SOX12: variants seen among roughly 807,000 people sequenced by gnomAD.
SOX12 encodes the protein transcription factor SOX-12.
Under a neutral mutation model 21.5 loss-of-function variants are expected in SOX12, and 8 were observed. The observed-to-expected ratio is 0.37, with a 90% CI of 0.22 to 0.67. The LOEUF (loss-of-function observed/expected upper bound fraction) is 0.67. Among genes scored for constraint, SOX12 ranks in the 30% least tolerant of loss-of-function variants. The pLI is 0.56. For synonymous variants in SOX12, 235 were observed against 224.2 expected (o/e 1.05, Z -0.43); for missense variants, 400 against 482.6 (o/e 0.83, Z 1.60).
rs374987024 is a variant in SOX12, at chr20:326,557, GGCC to G, written c.649_651del (p.Ala217del). On this transcript the variant is annotated inframe_deletion, in exon 1 of 1. Coordinates refer to ENST00000342665, the MANE Select transcript of SOX12 (RefSeq NM_006943.4). The surrounding 1 kb of genome is among the most constrained non-coding windows in gnomAD (Gnocchi z 9.9). ...CCCAAGGGCCGTCGGGCGAGGGGGC[GGCC>G]GCCGCCGCCGCCGCCTCCCCGACAC... The G allele has an allele frequency of 2.0e-4, 307 of 1,513,020 alleles. No individual in the cohort carries two copies. Among genetic ancestry groups the G allele is most frequent in the Admixed American group, 7.0e-4 (31 of 44,178 alleles). The allele number at this position is 1,513,020 out of a possible 1,614,324, so 93.7% of individuals were successfully genotyped here. A position where few individuals can be genotyped will look rare whatever the true frequency, so the allele number is the denominator to read the frequency against.
rs202123597 is a variant in SOX12 at position 326,896 on chromosome 20, C to T, written c.*24C>T. 6.7e-5 allele frequency: 108 copies of T among 1,610,872 alleles called. No homozygotes were observed. In the African/African-American group the frequency reaches 1.3e-3, roughly 20 times the overall value. On this transcript the variant is annotated 3_prime_UTR_variant, in exon 1 of 1. Coordinates refer to ENST00000342665, the MANE Select transcript of SOX12 (RefSeq NM_006943.4). This position sits in a 1 kb window ranked among gnomAD's most constrained non-coding sequence, Gnocchi z 9.9. ...GAGCCCACCGTCAGCGGGGCGCGCACGCCCCCAAACCAGCTGTTTACATAC... is the reference window on the plus strand; with the variant it reads ...GAGCCCACCGTCAGCGGGGCGCGCATGCCCCCAAACCAGCTGTTTACATAC...
Position 326,407 on chromosome 20 carries a change from G to T in SOX12, c.483G>T (p.Ala161=). Residue 161 remains alanine (A), a synonymous_variant, in exon 1 of 1, where the codon GCG becomes GCT. Transcript: ENST00000342665. This position sits in a 1 kb window ranked among gnomAD's most constrained non-coding sequence, Gnocchi z 9.9. ...AGGPLGGGAA[A]PEDDDEDDDE... is the part of the protein sequence containing the mutation. ...GGCCTTTGGGGGGCGGGGCGGCGGCGCCCGAGGACGACGATGAAGACGACG... is the reference window on the plus strand; with the variant it reads ...GGCCTTTGGGGGGCGGGGCGGCGGCTCCCGAGGACGACGATGAAGACGACG... 1 of 1,339,526 alleles carries T rather than the reference G, an allele frequency of 7.5e-7. No individual in the cohort carries two copies. The highest frequency in any genetic ancestry group is 9.5e-7 in the Non-Finnish European group (1 of 1,051,560). The allele number at this position is 1,339,526 out of a possible 1,614,324, so 83.0% of individuals were successfully genotyped here.
Position 326,014 on chromosome 20 carries a change from C to T in SOX12, c.90C>T (p.Pro30=), listed in dbSNP as rs769817096. ...CGGCCGAGGAGGGGGCGCGCGAGCC[C>T]GGCTGGTGCAAGACCCCGAGCGGCC... ...PGPAEEGARE[P]GWCKTPSGHI... Residue 30 remains proline (P), a synonymous_variant, in exon 1 of 1, where the codon CCC becomes CCT. Coordinates refer to ENST00000342665, the MANE Select transcript of SOX12 (RefSeq NM_006943.4). This position sits in a 1 kb window ranked among gnomAD's most constrained non-coding sequence, Gnocchi z 9.9. 4.5e-6 allele frequency: 7 copies of T among 1,539,624 alleles called. No individual in the cohort carries two copies. The highest frequency in any genetic ancestry group is 2.6e-5 in the East Asian group (1 of 38,388).
chr20:328,893 G>C lies in SOX12; in HGVS notation c.*2021G>C, dbSNP rs560259724. The C allele has an allele frequency of 2.4e-5, 4 of 167,236 alleles. No individual in the cohort carries two copies. Among genetic ancestry groups the C allele is most frequent in the African/African-American group, 9.6e-5 (4 of 41,574 alleles). 10.4% of individuals were successfully genotyped at this position (167,236 alleles called of 1,614,324 possible). A position where few individuals can be genotyped will look rare whatever the true frequency, so the allele number is the denominator to read the frequency against. ...GACTCCCTGGCCTTCATGAAGAATA[G>C]CAAACTCATCCCTGTAGGGACCAGG... On this transcript the variant is annotated 3_prime_UTR_variant, in exon 1 of 1. Coordinates refer to ENST00000342665, the MANE Select transcript of SOX12 (RefSeq NM_006943.4).
rs1600206535 is a variant in SOX12, at chr20:325,681, G to A, written c.-244G>A. 1 of 154,850 alleles carries A rather than the reference G, an allele frequency of 6.5e-6. No homozygotes were observed. Among genetic ancestry groups the A allele is most frequent in the African/African-American group, 2.4e-5 (1 of 41,358 alleles). The allele number at this position is 154,850 out of a possible 1,614,324, so 9.6% of individuals were successfully genotyped here. A position where few individuals can be genotyped will look rare whatever the true frequency, so the allele number is the denominator to read the frequency against. Reference sequence around the variant, plus strand: ...GCCCCCGCAAAACAATGTGTGTTGTGAGCCAGGACGCAACTTGCCGGAGGC... The same window carrying A: ...GCCCCCGCAAAACAATGTGTGTTGTAAGCCAGGACGCAACTTGCCGGAGGC... On this transcript the variant is annotated 5_prime_UTR_variant, in exon 1 of 1. Transcript: ENST00000342665. The surrounding 1 kb of genome is among the most constrained non-coding windows in gnomAD (Gnocchi z 5.0).
chr20:326,645 G>T lies in SOX12; in HGVS notation c.721G>T (p.Glu241Ter). 6.5e-7 allele frequency: 1 copy of T among 1,550,280 alleles called. No homozygotes were observed. The highest frequency in any genetic ancestry group is 8.7e-7 in the Non-Finnish European group (1 of 1,146,534). ...EEEAAAAEEG[E>*]EETVASGEES... is the part of the protein sequence containing the mutation. ...GGAGGCGGCAGCGGCTGAGGAAGGT[G>T]AAGAGGAGACGGTGGCGTCGGGGGA... The change falls in exon 1 of 1, where the codon GAA (glutamate) becomes TAA (stop). Residue 241 changes from glutamate to a stop codon, truncating the protein, a stop_gained. Transcript: ENST00000342665. LOFTEE classifies it high-confidence loss of function. This position sits in a 1 kb window ranked among gnomAD's most constrained non-coding sequence, Gnocchi z 9.9.
rs1600207386 is a variant in SOX12 at position 327,174 on chromosome 20, C to G, written c.*302C>G. The G allele has an allele frequency of 2.4e-6, 1 of 418,638 alleles. No homozygotes were observed. Among genetic ancestry groups the G allele is most frequent in the Admixed American group, 4.1e-5 (1 of 24,404 alleles). 25.9% of individuals were successfully genotyped at this position (418,638 alleles called of 1,614,324 possible). ...CCGTCCTCTCCTACAGACCTGCACCCCTCCCCCCTTTTGCACACGCCCCTC... is the reference window on the plus strand; with the variant it reads ...CCGTCCTCTCCTACAGACCTGCACCGCTCCCCCCTTTTGCACACGCCCCTC... On this transcript the variant is annotated 3_prime_UTR_variant, in exon 1 of 1. Transcript: ENST00000342665.
chr20:325,950 C>G lies in SOX12; in HGVS notation c.26C>G (p.Ala9Gly). The stretch of plus-strand genomic sequence containing the variant: ...ATGGTGCAGCAGCGGGGCGCGAGGG[C>G]CAAGCGGGACGGCGGGCCGCCGCCC... MVQQRGARAKRDGGPPPPG... is the reference protein window; with the variant it reads MVQQRGARGKRDGGPPPPG... The change falls in exon 1 of 1, where the codon GCC becomes GGC. Residue 9 changes from alanine (A) to glycine (G), a missense_variant. This residue lies in a region of SOX12 where 56 missense variants were observed against 51.5 expected (regional missense o/e 1.09). Transcript: ENST00000342665. This position sits in a 1 kb window ranked among gnomAD's most constrained non-coding sequence, Gnocchi z 5.0. The G allele has an allele frequency of 7.5e-7, 1 of 1,330,306 alleles. No homozygotes were observed. Among genetic ancestry groups the G allele is most frequent in the Non-Finnish European group, 9.6e-7 (1 of 1,041,222 alleles). 82.4% of individuals were successfully genotyped at this position (1,330,306 alleles called of 1,614,324 possible).
rs1337131777 is a variant in SOX12, at chr20:327,506, G to A, written c.*634G>A. The A allele has an allele frequency of 1.2e-5, 2 of 167,216 alleles. No homozygotes were observed. Among genetic ancestry groups the A allele is most frequent in the Admixed American group, 1.3e-4 (2 of 15,298 alleles). 10.4% of individuals were successfully genotyped at this position (167,216 alleles called of 1,614,324 possible). On this transcript the variant is annotated 3_prime_UTR_variant, in exon 1 of 1. Transcript: ENST00000342665. The stretch of plus-strand genomic sequence containing the variant: ...CGGGGGCGAGTGTAGAGCGATCCTG[G>A]GAAATCCTTTGATCCGGGAGCCCTA...
At position 326,953 on chromosome 20, in the gene SOX12, GAGGCTGGCACCCCATCTCCCGCGC is replaced by G. The variant is rs1257766111; in HGVS notation, c.*84_*107del. On this transcript the variant is annotated 3_prime_UTR_variant, in exon 1 of 1. Coordinates refer to ENST00000342665, the MANE Select transcript of SOX12 (RefSeq NM_006943.4). This position sits in a 1 kb window ranked among gnomAD's most constrained non-coding sequence, Gnocchi z 9.9. ...CAGGTATTGGGGCCCCTCGGAGGCCGAGGCTGGCACCCCATCTCCCGCGCAGCCTGCCCCCTCCTGGACGTGCCC... is the reference window on the plus strand; with the variant it reads ...CAGGTATTGGGGCCCCTCGGAGGCCGAGCCTGCCCCCTCCTGGACGTGCCC... The G allele has an allele frequency of 2.9e-6, 4 of 1,376,322 alleles. No homozygotes were observed. Among genetic ancestry groups the G allele is most frequent in the Non-Finnish European group, 4.1e-6 (4 of 965,862 alleles). 85.3% of individuals were successfully genotyped at this position (1,376,322 alleles called of 1,614,324 possible). A position where few individuals can be genotyped will look rare whatever the true frequency, so the allele number is the denominator to read the frequency against.
At position 326,743 on chromosome 20, in the gene SOX12, C is replaced by G. The variant is rs1349172414; in HGVS notation, c.819C>G (p.Asp273Glu). The G allele has an allele frequency of 6.2e-7, 1 of 1,611,920 alleles. No homozygotes were observed. The highest frequency in any genetic ancestry group is 1.7e-5 in the Admixed American group (1 of 59,766). Residue 273 changes from aspartate to glutamate, a missense_variant, in exon 1 of 1, where the codon GAC becomes GAG. Around this residue, in one of 4 missense-constraint regions of SOX12, gnomAD observed 235 missense variants for 219.3 expected, o/e 1.07. Transcript: ENST00000342665. This position sits in a 1 kb window ranked among gnomAD's most constrained non-coding sequence, Gnocchi z 9.9. Reference protein sequence around the residue: ...AGLDCSALDRDPDLQPPSGTS... With the variant: ...AGLDCSALDREPDLQPPSGTS... ...TGGACTGCAGCGCCCTGGATCGCGA[C>G]CCGGACCTGCAGCCTCCCTCGGGCA...
Position 325,606 on chromosome 20 carries a change from C to G in SOX12, c.-319C>G, listed in dbSNP as rs1162355779. On this transcript the variant is annotated 5_prime_UTR_variant, in exon 1 of 1. Coordinates refer to ENST00000342665, the MANE Select transcript of SOX12 (RefSeq NM_006943.4). The surrounding 1 kb of genome is among the most constrained non-coding windows in gnomAD (Gnocchi z 5.0). ...GCGGCGCGCGCGGGCCGCGGCGGAG[C>G]CAGAGGCTGCAGGAAGAGCCCGCGG... The G allele has an allele frequency of 6.7e-6, 1 of 150,160 alleles. No individual in the cohort carries two copies. The highest frequency in any genetic ancestry group is 2.4e-5 in the African/African-American group (1 of 41,070). 9.3% of individuals were successfully genotyped at this position (150,160 alleles called of 1,614,324 possible). A position where few individuals can be genotyped will look rare whatever the true frequency, so the allele number is the denominator to read the frequency against.
At position 326,063 on chromosome 20, in the gene SOX12, T is replaced by C; in HGVS notation, c.139T>C (p.Phe47Leu). 1 of 1,600,056 alleles carries C rather than the reference T, an allele frequency of 6.2e-7. No homozygotes were observed. The highest frequency in any genetic ancestry group is 8.5e-7 in the Non-Finnish European group (1 of 1,174,102). ...SGHIKRPMNA[F>L]MVWSQHERRK... Reference sequence around the variant, plus strand: ...CCACATCAAGAGGCCGATGAACGCATTCATGGTGTGGTCGCAGCACGAACG... The same window carrying C: ...CCACATCAAGAGGCCGATGAACGCACTCATGGTGTGGTCGCAGCACGAACG... The change falls in exon 1 of 1, where the codon TTC (phenylalanine) becomes CTC (leucine). Residue 47 changes from phenylalanine to leucine, a missense_variant. Physicochemically the swap from Phe to Leu is conservative, Grantham distance 22 (BLOSUM62 0). Transcript: ENST00000342665. This position sits in a 1 kb window ranked among gnomAD's most constrained non-coding sequence, Gnocchi z 9.9.
In SOX12 at chr20:327,269, T is replaced by C. The variant is rs2013117283; in HGVS notation, c.*397T>C. The stretch of plus-strand genomic sequence containing the variant: ...CCTCCCTCGCCCGGCCCGCCTTCTC[T>C]GGGTTAGGGGGGCGATGCGGCCGGG... On this transcript the variant is annotated 3_prime_UTR_variant, in exon 1 of 1. Transcript: ENST00000342665. 1 of 227,920 alleles carries C rather than the reference T, an allele frequency of 4.4e-6. No homozygotes were observed. The highest frequency in any genetic ancestry group is 5.6e-5 in the South Asian group (1 of 17,794). The allele number at this position is 227,920 out of a possible 1,614,324, so 14.1% of individuals were successfully genotyped here.
rs1016127199 is a variant in SOX12, at chr20:328,013, G to C, written c.*1141G>C. On this transcript the variant is annotated 3_prime_UTR_variant, in exon 1 of 1. Coordinates refer to ENST00000342665, the MANE Select transcript of SOX12 (RefSeq NM_006943.4). Reference sequence around the variant, plus strand: ...TTTGGTGCTAGGGGTTTGGGACTGAGGCGTGGAGAGCAGATGTGATGGCAG... The same window carrying C: ...TTTGGTGCTAGGGGTTTGGGACTGACGCGTGGAGAGCAGATGTGATGGCAG... The C allele has an allele frequency of 4.8e-5, 8 of 167,228 alleles. No individual in the cohort carries two copies. Among genetic ancestry groups the C allele is most frequent in the African/African-American group, 1.9e-4 (8 of 41,470 alleles). 10.4% of individuals were successfully genotyped at this position (167,228 alleles called of 1,614,324 possible).
chr20:326,102 G>T lies in SOX12; in HGVS notation c.178G>T (p.Asp60Tyr). 1 of 1,602,956 alleles carries T rather than the reference G, an allele frequency of 6.2e-7. No individual in the cohort carries two copies. The highest frequency in any genetic ancestry group is 8.5e-7 in the Non-Finnish European group (1 of 1,175,196). ...WSQHERRKIM[D>Y]QWPDMHNAEI... ...GCAGCACGAACGGCGGAAGATCATG[G>T]ACCAGTGGCCCGACATGCACAACGC... is the stretch of plus-strand genomic sequence containing the variant. Residue 60 changes from aspartate to tyrosine, a missense_variant, in exon 1 of 1, where the codon GAC (aspartate) becomes TAC (tyrosine). Asp to Tyr is a radical substitution (Grantham distance 160). Transcript: ENST00000342665. This position sits in a 1 kb window ranked among gnomAD's most constrained non-coding sequence, Gnocchi z 9.9.
rs1180879032 is a variant in SOX12 at position 329,710 on chromosome 20, C to A, written c.*2838C>A. 1 of 167,200 alleles carries A rather than the reference C, an allele frequency of 6.0e-6. No homozygotes were observed. The highest frequency in any genetic ancestry group is 1.5e-5 in the Non-Finnish European group (1 of 68,178). The allele number at this position is 167,200 out of a possible 1,614,324, so 10.4% of individuals were successfully genotyped here. Reference sequence around the variant, plus strand: ...CCTCCTTTGTCCCTCTGACACCCCTCCCCCTAATTCTCATCTGTCAGATCC... The same window carrying A: ...CCTCCTTTGTCCCTCTGACACCCCTACCCCTAATTCTCATCTGTCAGATCC... On this transcript the variant is annotated 3_prime_UTR_variant, in exon 1 of 1. Transcript: ENST00000342665.
chr20:326,320 C>T lies in SOX12; in HGVS notation c.396C>T (p.Gly132=), dbSNP rs1431329519. Residue 132 remains glycine (G), a synonymous_variant, in exon 1 of 1, where the codon GGC becomes GGT. Coordinates refer to ENST00000342665, the MANE Select transcript of SOX12 (RefSeq NM_006943.4). This position sits in a 1 kb window ranked among gnomAD's most constrained non-coding sequence, Gnocchi z 9.9. ...CCCGCCCCCCCGGTGGTAGCGGTGGCGGCAGCCGGCTCAAGCCCGGGCCGC... is the reference window on the plus strand; with the variant it reads ...CCCGCCCCCCCGGTGGTAGCGGTGGTGGCAGCCGGCTCAAGCCCGGGCCGC... ...ARPRPPGGSG[G]GSRLKPGPQL... 25 of 1,375,846 alleles carry T rather than the reference C, an allele frequency of 1.8e-5. No homozygotes were observed. Among genetic ancestry groups the T allele is most frequent in the Non-Finnish European group, 2.3e-5 (24 of 1,061,552 alleles). The allele number at this position is 1,375,846 out of a possible 1,614,324, so 85.2% of individuals were successfully genotyped here.
chr20:327,193 G>GC lies in SOX12; in HGVS notation c.*325dup. On this transcript the variant is annotated 3_prime_UTR_variant, in exon 1 of 1. Transcript: ENST00000342665. ...TGCACCCCTCCCCCCTTTTGCACAC[G>GC]CCCCTCCTCGTGGCCGGAGGACCCG... 2 of 322,036 alleles carry GC rather than the reference G, an allele frequency of 6.2e-6. No individual in the cohort carries two copies. The highest frequency in any genetic ancestry group is 1.0e-3 in the Middle Eastern group (1 of 1,004). The allele number at this position is 322,036 out of a possible 1,614,324, so 19.9% of individuals were successfully genotyped here. A position where few individuals can be genotyped will look rare whatever the true frequency, so the allele number is the denominator to read the frequency against.
Sources: gnomAD v4.1 joint callset for allele counts on GRCh38, gnomAD v4.1.1 for gene constraint, gnomAD v4.1.1 regional missense constraint, Gnocchi (gnomAD v3.1) non-coding constraint, MANE v1.5 for transcripts, NCBI Gene and HGNC (gene_info 2026-07-23, HGNC 2026-07-21) for gene names.